CCNY: variants seen among roughly 807,000 people sequenced by gnomAD.
CCNY encodes cyclin Y.
A neutral mutation model predicts 42.8 loss-of-function variants in CCNY; 19 were observed. The observed-to-expected ratio is 0.44, with a 90% CI of 0.31 to 0.65. CCNY has a LOEUF of 0.65. CCNY is among the 30% of genes least tolerant of loss of function. The pLI is 0.07. For synonymous variants in CCNY, 165 were observed against 162.7 expected (o/e 1.01, Z -0.11); for missense variants, 370 against 437.3 (o/e 0.85, Z 1.37).
At chr10:35,523,972 C>T (rs547404617) in intron 4 of CCNY, among the ~76,000 whole-genome samples, 1 of 152,292 alleles carries the variant, frequency 6.6e-6, no homozygotes, top group East Asian at 1.9e-4. Flanking sequence ...TTCTCAAAGA[C>T]ATTAAACTAA....
chr10:35,421,905 A>T (rs1838166915), intron 1 of CCNY, among the ~76,000 whole-genome samples: 1 of 152,136 alleles, frequency 6.6e-6, no homozygotes. Context: ...GTGAATTTTA[A>T]TTCAGTCTCC....
chr10:35,295,726 G>A (rs1835463913), intron 3 of CCNY, among the ~76,000 whole-genome samples: 1 of 151,510 alleles, frequency 6.6e-6, no homozygotes, highest in African/African-American at 2.4e-5. Flanking sequence ...TACAAATATT[G>A]TACTCATACA....
chr10:35,420,931 A>G (rs759144492), intron 1 of CCNY, among the ~76,000 whole-genome samples: 1 of 152,242 alleles, frequency 6.6e-6, no homozygotes, highest in African/African-American at 2.4e-5. Context: ...CTGATTCAGA[A>G]TCATACCCTG....
chr10:35,345,155 A>G (rs1393840700), intron 1 of CCNY, among the ~76,000 whole-genome samples: 1 of 152,186 alleles, frequency 6.6e-6, no homozygotes, highest in African/African-American at 2.4e-5. Flanking sequence ...CACCACACTG[A>G]CTTCCACAAT....
intron 3 of CCNY, among the ~76,000 whole-genome samples, chr10:35,252,373 G>A (rs748787715): frequency 2.6e-5 from 4 of 151,938 alleles, no homozygotes; most frequent in African/African-American, 4.8e-5. Flanking sequence ...GGGCCAAACT[G>A]GCTAACATGG....
At chr10:35,367,388 T>TA (rs1836832465) in intron 1 of CCNY, among the ~76,000 whole-genome samples, 4 of 152,226 alleles carry the variant, frequency 2.6e-5, no homozygotes, top group Admixed American at 2.6e-4. Flanking sequence ...TAAAAATGTC[T>TA]ACCTTGTAGA....
chr10:35,381,704 G>A (rs1157303239), intron 1 of CCNY, among the ~76,000 whole-genome samples: 1 of 152,096 alleles, frequency 6.6e-6, no homozygotes, highest in Non-Finnish European at 1.5e-5. Context: ...CTTTAGAATT[G>A]TTCAGAAAGC....
chr10:35,532,603 A>G (rs1035556111), intron 7 of CCNY, among the ~76,000 whole-genome samples: 15 of 152,384 alleles, frequency 9.8e-5, no homozygotes, highest in Non-Finnish European at 1.0e-4. Flanking sequence ...ATACTGCCAC[A>G]TGAGGAAATT....
At chr10:35,485,958 A>G (rs939304252) in intron 2 of CCNY, among the ~76,000 whole-genome samples, 1 of 152,090 alleles carries the variant, frequency 6.6e-6, no homozygotes, top group African/African-American at 2.4e-5. Context: ...TTTGGTTTGC[A>G]CACAGTTCCT....
intron 1 of CCNY, among the ~76,000 whole-genome samples, chr10:35,345,109 C>T (rs1394544421): frequency 1.3e-5 from 2 of 152,092 alleles, no homozygotes; most frequent in Admixed American, 6.5e-5. Context: ...GATGGCTGGG[C>T]GAAATGGTAT....
intron 1 of CCNY, among the ~76,000 whole-genome samples, chr10:35,390,214 C>T (rs1249492501): frequency 2.0e-5 from 3 of 152,152 alleles, no homozygotes; most frequent in Non-Finnish European, 4.4e-5. Flanking sequence ...TTAGTTTTGA[C>T]CTTGTCTAAA....
intron 1 of CCNY, among the ~76,000 whole-genome samples, chr10:35,369,513 G>A (rs560675445): frequency 1.7e-4 from 26 of 152,298 alleles, no homozygotes; most frequent in Non-Finnish European, 3.2e-4. Context: ...TTATGGGTAA[G>A]AGTCATGAGA....
At chr10:35,467,770 G>C (rs560779009) in intron 1 of CCNY, among the ~76,000 whole-genome samples, 5 of 152,318 alleles carry the variant, frequency 3.3e-5, no homozygotes, top group East Asian at 1.9e-4. Flanking sequence ...ACAGATTGCT[G>C]TAAGTTTTTG....
At chr10:35,491,634 T>G (rs1839898128) in intron 2 of CCNY, among the ~76,000 whole-genome samples, 1 of 152,130 alleles carries the variant, frequency 6.6e-6, no homozygotes, top group Admixed American at 6.5e-5. Flanking sequence ...ATTTATTTAT[T>G]TTTTTGAGAC....
At chr10:35,514,097 A>G (rs971825441) in intron 3 of CCNY, among the ~76,000 whole-genome samples, 1 of 150,124 alleles carries the variant, frequency 6.7e-6, no homozygotes, top group South Asian at 2.1e-4. Context: ...AAAAAAAAAA[A>G]CAGAGACAAC....
At chr10:35,331,381 C>T (rs1021267518) in intron 3 of CCNY, among the ~76,000 whole-genome samples, 3 of 152,234 alleles carry the variant, frequency 2.0e-5, no homozygotes, top group African/African-American at 7.2e-5. Context: ...TTCGACAAGA[C>T]AGAGCCTGGG....
rs760606241 is a variant in CCNY, at chr10:35,566,162, A to C, written c.886A>C (p.Arg296=). ...GAGCTTTCCCTTGGAGCCCCTGAGC[A>C]GGGAGAGGGCTCACAAGCTTGAGGT... ...NLSFPLEPLS[R]ERAHKLEAIS... is the part of the protein sequence containing the mutation. Residue 296 remains arginine, a synonymous_variant, in exon 9 of 10, where the codon AGG becomes CGG. Transcript: ENST00000374704. 3 of 1,613,990 alleles carry C rather than the reference A, an allele frequency of 1.9e-6. No homozygotes were observed. The highest frequency in any genetic ancestry group is 2.5e-6 in the Non-Finnish European group (3 of 1,180,004).
At chr10:35,275,756 C>T (rs1479773779) in intron 3 of CCNY, among the ~76,000 whole-genome samples, 1 of 151,222 alleles carries the variant, frequency 6.6e-6, no homozygotes, top group East Asian at 2.0e-4. Flanking sequence ...CAGCGAGACT[C>T]CGTCTCAAAA....
chr10:35,254,442 G>A (rs2095714103), intron 3 of CCNY, among the ~76,000 whole-genome samples: 1 of 152,148 alleles, frequency 6.6e-6, no homozygotes, highest in African/African-American at 2.4e-5. Context: ...TTTCCTGTGA[G>A]TTGAGAATAG....
Sources: allele counts gnomAD v4.1 joint callset (sites outside exome capture counted in the v4.1 genomes callset), GRCh38; gene constraint gnomAD v4.1.1; transcripts MANE v1.5; gene names NCBI Gene and HGNC (gene_info 2026-07-23, HGNC 2026-07-21).